Variants in NTN3 observed in about 807,000 individuals in gnomAD.
The protein encoded by NTN3 is netrin-3.
Under a neutral mutation model 37.2 loss-of-function variants are expected in NTN3, and 44 were observed. The observed-to-expected ratio is 1.18, with a 90% confidence interval of 0.93 to 1.52. The LOEUF is 1.52. Ranked by LOEUF, NTN3 falls within the 40% of genes most tolerant of loss-of-function variation. The pLI is 0.00. For synonymous variants in NTN3, 385 were observed against 376.0 expected (o/e 1.02, Z -0.28); for missense variants, 882 against 857.3 (o/e 1.03, Z -0.36).
chr16:2,471,872 C>T lies in NTN3; in HGVS notation c.171C>T (p.Ser57=). 6.8e-7 allele frequency: 1 copy of T among 1,468,544 alleles called. No homozygotes were observed. Among genetic ancestry groups the T allele is most frequent in the Non-Finnish European group, 9.0e-7 (1 of 1,108,516 alleles). The allele number at this position is 1,468,544 out of a possible 1,614,324, so 91.0% of individuals were successfully genotyped here. Residue 57 remains serine (S), a synonymous_variant, in exon 1 of 6, where the codon AGC becomes AGT. Transcript: ENST00000293973. The part of the protein sequence containing the change: ...AALGREVLAS[S]TCGRPATRAC... The stretch of plus-strand genomic sequence containing the variant: ...TGGGCCGCGAGGTGCTGGCTTCCAG[C>T]ACGTGCGGGCGGCCGGCCACTCGGG...
At chr16:2,473,699 C>G in intron 5 of NTN3, 57 bp from the exon 6 acceptor site, 3 of 1,398,996 alleles carry the variant, frequency 2.1e-6, no homozygotes, top group Non-Finnish European at 2.8e-6. Context: ...CCGTGCCTCC[C>G]CCTACCGCGG....
chr16:2,474,137 C>T lies in NTN3; in HGVS notation c.*32C>T, dbSNP rs372908977. ...CGGCTGGGCAGGGCGGCCGCTGCTC[C>T]CACATCTAGGCGCACGTTCACCCTG... On this transcript the variant is annotated 3_prime_UTR_variant, in exon 6 of 6. Coordinates refer to ENST00000293973, the MANE Select transcript of NTN3 (RefSeq NM_006181.3). 2.8e-5 allele frequency: 34 copies of T among 1,197,564 alleles called. No homozygotes were observed. The East Asian group carries it at 1.1e-3, about 38-fold the overall frequency. 74.2% of individuals were successfully genotyped at this position (1,197,564 alleles called of 1,614,324 possible).
chr16:2,471,512 C>A lies in NTN3; in HGVS notation c.-190C>A. ...TAGGCCCAGCGGGAGGACGCGCCAACATCCCCGCTGCTGTGCTGGGCCCGG... is the reference window on the plus strand; with the variant it reads ...TAGGCCCAGCGGGAGGACGCGCCAAAATCCCCGCTGCTGTGCTGGGCCCGG... On this transcript the variant is annotated 5_prime_UTR_variant, in exon 1 of 6. Coordinates refer to ENST00000293973, the MANE Select transcript of NTN3 (RefSeq NM_006181.3). 1 of 399,122 alleles carries A rather than the reference C, an allele frequency of 2.5e-6. No homozygotes were observed. The allele number at this position is 399,122 out of a possible 1,614,324, so 24.7% of individuals were successfully genotyped here.
In NTN3 at chr16:2,472,128, A is replaced by G. The variant is rs1477000597; in HGVS notation, c.427A>G (p.Ser143Gly). ...GCTCAAGTCTCAGGACCATGGCCGCAGCTGGGCCCCGCTGGGCTTCTTCTC... is the reference window on the plus strand; with the variant it reads ...GCTCAAGTCTCAGGACCATGGCCGCGGCTGGGCCCCGCTGGGCTTCTTCTC... ...ALLKSQDHGR[S>G]WAPLGFFSSH... The change falls in exon 1 of 6, where the codon AGC becomes GGC. Residue 143 changes from serine to glycine, a missense_variant. By Grantham distance (56) the Ser-to-Gly change is moderately conservative. Transcript: ENST00000293973. 2 of 1,608,380 alleles carry G rather than the reference A, an allele frequency of 1.2e-6. No homozygotes were observed. Among genetic ancestry groups the G allele is most frequent in the South Asian group, 2.2e-5 (2 of 90,908 alleles).
intron 5 of NTN3, 83 bp downstream of exon 5, chr16:2,473,586 C>G (rs1463080890): frequency 7.0e-7 from 1 of 1,438,800 alleles, no homozygotes. Context: ...CCCCTTGGAA[C>G]GCCTTGACCC....
chr16:2,471,907 C>G lies in NTN3; in HGVS notation c.206C>G (p.Ala69Gly). The G allele has an allele frequency of 6.5e-7, 1 of 1,533,108 alleles. No individual in the cohort carries two copies. Among genetic ancestry groups the G allele is most frequent in the Non-Finnish European group, 8.7e-7 (1 of 1,147,156 alleles). The allele number at this position is 1,533,108 out of a possible 1,614,324, so 95.0% of individuals were successfully genotyped here. ...CGRPATRACD[A>G]SDPRRAHSPA... ...CGGCCGGCCACTCGGGCCTGCGACG[C>G]CTCCGACCCGCGACGGGCACACTCC... The change falls in exon 1 of 6, where the codon GCC (alanine) becomes GGC (glycine). Residue 69 changes from alanine (A) to glycine (G), a missense_variant. Ala to Gly is a moderately conservative substitution (Grantham distance 60). Coordinates refer to ENST00000293973, the MANE Select transcript of NTN3 (RefSeq NM_006181.3).
In NTN3 at chr16:2,473,784, C is replaced by G. The variant is rs2065538565; in HGVS notation, c.1422C>G (p.Gly474=). Residue 474 remains glycine (G), a synonymous_variant, in exon 6 of 6, where the codon GGC becomes GGG. Transcript: ENST00000293973. The part of the protein sequence containing the change: ...YAVQVAVGAR[G]EARGAWTRFP... ...TGCAGGTGGCGGTGGGTGCGCGCGG[C>G]GAGGCGCGCGGCGCGTGGACACGCT... The G allele has an allele frequency of 7.2e-7, 1 of 1,381,456 alleles. No homozygotes were observed. The highest frequency in any genetic ancestry group is 3.6e-5 in the Admixed American group (1 of 27,700). The allele number at this position is 1,381,456 out of a possible 1,614,324, so 85.6% of individuals were successfully genotyped here.
Position 2,471,442 on chromosome 16 carries a change from CGCGGGCGGAGGCACCGGGA to C in NTN3, c.-254_-236del, listed in dbSNP as rs1037232048. The C allele has an allele frequency of 3.9e-5, 13 of 331,344 alleles. No homozygotes were observed. The highest frequency in any genetic ancestry group is 1.4e-4 in the East Asian group (3 of 21,972). The allele number at this position is 331,344 out of a possible 1,614,324, so 20.5% of individuals were successfully genotyped here. Reference sequence around the variant, plus strand: ...GAGTGCGAGCGGCGGGTGGGGCCTCCGCGGGCGGAGGCACCGGGAGCGGGGGCGACGCCTGTCATCGCTC... The same window carrying C: ...GAGTGCGAGCGGCGGGTGGGGCCTCCGCGGGGGCGACGCCTGTCATCGCTC... On this transcript the variant is annotated 5_prime_UTR_variant, in exon 1 of 6. Transcript: ENST00000293973.
chr16:2,472,004 G>A lies in NTN3; in HGVS notation c.303G>A (p.Ala101=), dbSNP rs757893479. ...GGCGCTCGGAGTCCCTGCCTCGGGC[G>A]CCCCTCAACGTGACTCTCACGGTGC... The part of the protein sequence containing the change: ...LCWRSESLPR[A]PLNVTLTVPL... The change falls in exon 1 of 6, where the codon GCG becomes GCA. Residue 101 remains alanine, a synonymous_variant. Transcript: ENST00000293973. 4.4e-6 allele frequency: 7 copies of A among 1,603,986 alleles called. No homozygotes were observed. In the South Asian group the frequency reaches 5.5e-5, roughly 13 times the overall value.
chr16:2,472,556 C>A lies in NTN3; in HGVS notation c.855C>A (p.Cys285Ter). The change falls in exon 1 of 6, where the codon TGC becomes TGA. Residue 285 changes from cysteine (C) to a stop codon, truncating the protein, a stop_gained. Transcript: ENST00000293973. LOFTEE classifies it high-confidence loss of function. ...DCRHGTEGPD[C>*]GRCKPFYCDR... ...GGCATGGCACCGAGGGCCCTGACTG[C>A]GGCCGCTGCAAGCCCTTCTACTGCG... is the stretch of plus-strand genomic sequence containing the variant. The A allele has an allele frequency of 6.2e-7, 1 of 1,604,582 alleles. No homozygotes were observed. The highest frequency in any genetic ancestry group is 1.1e-5 in the South Asian group (1 of 90,868).
intron 1 of NTN3, 31 bp from the exon 2 acceptor site, chr16:2,472,670 C>T (rs2065528943): frequency 6.2e-7 from 1 of 1,604,974 alleles, no homozygotes; most frequent in African/African-American, 1.3e-5. Context: ...TGGACACAAC[C>T]AGCCTGCCCC....
rs536580384 is a variant in NTN3, at chr16:2,472,557, G to A, written c.856G>A (p.Gly286Ser). 52 of 1,605,002 alleles carry A rather than the reference G, an allele frequency of 3.2e-5. No individual in the cohort carries two copies. Among genetic ancestry groups the A allele is most frequent in the South Asian group, 2.8e-4 (25 of 90,896 alleles). The change falls in exon 1 of 6, where the codon GGC becomes AGC. Residue 286 changes from glycine to serine, a missense_variant. Gly to Ser is a moderately conservative substitution (Grantham distance 56). Coordinates refer to ENST00000293973, the MANE Select transcript of NTN3 (RefSeq NM_006181.3). ...GCATGGCACCGAGGGCCCTGACTGCGGCCGCTGCAAGCCCTTCTACTGCGA... is the reference window on the plus strand; with the variant it reads ...GCATGGCACCGAGGGCCCTGACTGCAGCCGCTGCAAGCCCTTCTACTGCGA... ...CRHGTEGPDC[G>S]RCKPFYCDRP...
At position 2,471,919 on chromosome 16, in the gene NTN3, G is replaced by T; in HGVS notation, c.218G>T (p.Arg73Leu). The change falls in exon 1 of 6, where the codon CGA becomes CTA. Residue 73 changes from arginine to leucine, a missense_variant. Transcript: ENST00000293973. ...CGGGCCTGCGACGCCTCCGACCCGC[G>T]ACGGGCACACTCCCCCGCCCTCCTT... ...ATRACDASDP[R>L]RAHSPALLTS... is the part of the protein sequence containing the mutation. 1.3e-6 allele frequency: 2 copies of T among 1,542,582 alleles called. No homozygotes were observed. Among genetic ancestry groups the T allele is most frequent in the South Asian group, 1.2e-5 (1 of 83,846 alleles).
At position 2,471,752 on chromosome 16, in the gene NTN3, C is replaced by T; in HGVS notation, c.51C>T (p.Ala17=). 1 of 1,387,726 alleles carries T rather than the reference C, an allele frequency of 7.2e-7. No homozygotes were observed. The highest frequency in any genetic ancestry group is 9.3e-7 in the Non-Finnish European group (1 of 1,078,524). 86.0% of individuals were successfully genotyped at this position (1,387,726 alleles called of 1,614,324 possible). ...TGCTGACGGCAGGCACGCTCTTCGCCGCCCTGAGTCCTGGGCCGCCGGCGC... is the reference window on the plus strand; with the variant it reads ...TGCTGACGGCAGGCACGCTCTTCGCTGCCCTGAGTCCTGGGCCGCCGGCGC... ...GLLLTAGTLF[A]ALSPGPPAPA... is the part of the protein sequence containing the mutation. Residue 17 remains alanine (A), a synonymous_variant, in exon 1 of 6, where the codon GCC becomes GCT. Coordinates refer to ENST00000293973, the MANE Select transcript of NTN3 (RefSeq NM_006181.3).
Position 2,473,276 on chromosome 16 carries a change from A to C in NTN3, c.1276A>C (p.Ile426Leu). The C allele has an allele frequency of 6.2e-7, 1 of 1,612,658 alleles. No individual in the cohort carries two copies. Among genetic ancestry groups the C allele is most frequent in the Non-Finnish European group, 8.5e-7 (1 of 1,179,892 alleles). Residue 426 changes from isoleucine to leucine, a missense_variant, in exon 4 of 6, where the codon ATC becomes CTC. Ile to Leu is a conservative substitution (Grantham distance 5, BLOSUM62 2). Transcript: ENST00000293973. ...TCCCTCCCTCTCTGCAGAGACCCCT[A>C]TCCCTGGACCCACTGAGGACAGCAG... ...SPVAPCVKTPIPGPTEDSSPV... is the reference protein window; with the variant it reads ...SPVAPCVKTPLPGPTEDSSPV...
rs1039598091 is a variant in NTN3 at position 2,473,513 on chromosome 16, C to T, written c.1393+10C>T. The T allele has an allele frequency of 3.7e-6, 6 of 1,611,788 alleles. No homozygotes were observed. The highest frequency in any genetic ancestry group is 1.7e-6 in the Non-Finnish European group (2 of 1,179,162). On this transcript the variant is annotated intron_variant, in intron 5 of 5. Coordinates refer to ENST00000293973, the MANE Select transcript of NTN3 (RefSeq NM_006181.3). ...TGCAAGAAGGACTATGGTAGGTGCC[C>T]TCAGGCCTCCCGCGGACCTTCCCAC...
rs1440402087 is a variant in NTN3 at position 2,471,353 on chromosome 16, C to T, written c.-349C>T. The stretch of plus-strand genomic sequence containing the variant: ...GAGGCGGCGGCCCGTGCACCGCAGG[C>T]CCCGCCCGCCCACGGCCCTTCCCGG... On this transcript the variant is annotated 5_prime_UTR_variant, in exon 1 of 6. Coordinates refer to ENST00000293973, the MANE Select transcript of NTN3 (RefSeq NM_006181.3). 5.4e-6 allele frequency: 1 copy of T among 186,364 alleles called. No individual in the cohort carries two copies. The highest frequency in any genetic ancestry group is 1.1e-5 in the Non-Finnish European group (1 of 90,976). 11.5% of individuals were successfully genotyped at this position (186,364 alleles called of 1,614,324 possible).
In NTN3 at chr16:2,472,754, C is replaced by G. The variant is rs762332741; in HGVS notation, c.982C>G (p.Arg328Gly). The part of the protein sequence containing the change: ...RRCRFNMELY[R>G]LSGRRSGGVC... ...CTGCCGCTTCAACATGGAGCTGTAC[C>G]GACTGTCCGGCCGCCGCAGCGGGGG... The change falls in exon 2 of 6, where the codon CGA becomes GGA. Residue 328 changes from arginine to glycine, a missense_variant. Transcript: ENST00000293973. 2 of 1,608,880 alleles carry G rather than the reference C, an allele frequency of 1.2e-6. No individual in the cohort carries two copies. The highest frequency in any genetic ancestry group is 1.7e-6 in the Non-Finnish European group (2 of 1,179,604).
At position 2,472,714 on chromosome 16, in the gene NTN3, C is replaced by T. The variant is rs35693349; in HGVS notation, c.942C>T (p.Asn314=). The T allele has an allele frequency of 0.018, 29,424 of 1,607,994 alleles. 369 individuals carry two copies. The highest frequency in any genetic ancestry group is 0.024 in the South Asian group (2,204 of 91,042). ...CCCTCCCTGCAGCTTGCTCCTGCAA[C>T]GGCCATGCCCGCCGCTGCCGCTTCA... ...ESHACLACSC[N]GHARRCRFNM... The change falls in exon 2 of 6, where the codon AAC becomes AAT. Residue 314 remains asparagine (N), a synonymous_variant. Transcript: ENST00000293973.
Sources: gnomAD v4.1 joint callset for allele counts on GRCh38, gnomAD v4.1.1 for gene constraint, MANE v1.5 for transcripts, NCBI Gene and HGNC (gene_info 2026-07-23, HGNC 2026-07-21) for gene names.